SEC24D: variants seen among roughly 807,000 people sequenced by gnomAD.
The protein encoded by SEC24D is SEC24 homolog D, COPII component, also known as protein transport protein Sec24D.
SEC24D carries 69 observed loss-of-function variants against 116.9 expected under a neutral mutation model. The ratio of observed to expected loss-of-function variants is 0.59; its 90% CI spans 0.49 to 0.72. The LOEUF (loss-of-function observed/expected upper bound fraction) is 0.72, where lower values mean the gene tolerates loss of function less well. Among genes scored for constraint, SEC24D ranks in the 30% least tolerant of loss-of-function variants. The pLI is 0.00. For synonymous variants in SEC24D, 405 were observed against 442.8 expected (o/e 0.91, Z 1.07); for missense variants, 1,131 against 1,264.1 (o/e 0.89, Z 1.60).
rs1416290078 is a variant in SEC24D, at chr4:118,732,974, T to G, written c.2497-62A>C. ...TTTACTGAGAACAATTCCCTGAGCT[T>G]CATCTGTAAGACTGAAACATTATTT... On this transcript the variant is annotated intron_variant, in intron 19 of 22. Coordinates refer to ENST00000280551, the MANE Select transcript of SEC24D (RefSeq NM_014822.4). The G allele has an allele frequency of 3.2e-5, 44 of 1,384,212 alleles. No homozygotes were observed. The East Asian group carries it at 7.6e-4, about 24-fold the overall frequency. The allele number at this position is 1,384,212 out of a possible 1,614,324, so 85.7% of individuals were successfully genotyped here. A position where few individuals can be genotyped will look rare whatever the true frequency, so the allele number is the denominator to read the frequency against.
chr4:118,785,443 T>C lies in SEC24D; in HGVS notation c.1041+12240A>G, dbSNP rs374779069. ...TGTTAGTCAAATCTACATATCAAAA[T>C]TGCAAACTGGGATTCATGGTATGAG... On this transcript the variant is annotated intron_variant, in intron 8 of 22. Coordinates refer to ENST00000280551, the MANE Select transcript of SEC24D (RefSeq NM_014822.4). Among the ~76,000 whole-genome samples, 14 of 152,236 alleles carry C rather than the reference T, an allele frequency of 9.2e-5. No homozygotes were observed. In the East Asian group the frequency reaches 2.3e-3, roughly 25 times the overall value.
chr4:118,752,325 A>G (rs1024287444), intron 12 of SEC24D, among the ~76,000 whole-genome samples: 1 of 152,210 alleles, frequency 6.6e-6, no homozygotes, highest in African/African-American at 2.4e-5. Flanking sequence ...ATTCACTGCA[A>G]TACTGATCTC....
At chr4:118,749,432 T>C (rs1204001956) in intron 13 of SEC24D, among the ~76,000 whole-genome samples, 4 of 152,238 alleles carry the variant, frequency 2.6e-5, no homozygotes, top group Non-Finnish European at 5.9e-5. Flanking sequence ...ATCTAGCTGA[T>C]AGAAAATAAA....
rs1176351979 is a variant in SEC24D at position 118,740,664 on chromosome 4, T to C, written c.2237A>G (p.Gln746Arg). 2 of 1,613,402 alleles carry C rather than the reference T, an allele frequency of 1.2e-6. No homozygotes were observed. Among genetic ancestry groups the C allele is most frequent in the Admixed American group, 1.7e-5 (1 of 59,960 alleles). The change falls in exon 17 of 23, where the codon CAG becomes CGG. Residue 746 changes from glutamine to arginine, a missense_variant and splice_region_variant. Physicochemically the swap from Gln to Arg is conservative, Grantham distance 43 (BLOSUM62 1). Coordinates refer to ENST00000280551, the MANE Select transcript of SEC24D (RefSeq NM_014822.4). Reference protein sequence around the residue: ...KLSEDSGALIQCAVLYTTISG... With the variant: ...KLSEDSGALIRCAVLYTTISG... ...AGGTGGGAATACACTTTCAATCACC[T>C]GGATTAAGGCTCCACTGTCTTCACT...
chr4:118,738,420 A>T, intron 18 of SEC24D, 41 bp from the exon 19 acceptor site: 1 of 1,295,594 alleles, frequency 7.7e-7, no homozygotes, highest in Non-Finnish European at 1.1e-6. Context: ...GTTTTAGCTC[A>T]GACACTGATC....
At position 118,723,669 on chromosome 4, in the gene SEC24D, AAC is replaced by A; in HGVS notation, c.2959-16_2959-15del. ...TACAATTGTGAGCTAGGAAAAAAAA[AAC>A]AAAACAGTAACAGCCCCTGGTTATA... On this transcript the variant is annotated splice_polypyrimidine_tract_variant and intron_variant, in intron 22 of 22. Coordinates refer to ENST00000280551, the MANE Select transcript of SEC24D (RefSeq NM_014822.4). 6.3e-7 allele frequency: 1 copy of A among 1,593,716 alleles called. No individual in the cohort carries two copies. Among genetic ancestry groups the A allele is most frequent in the Non-Finnish European group, 8.5e-7 (1 of 1,174,368 alleles).
intron 1 of SEC24D, among the ~76,000 whole-genome samples, chr4:118,834,902 T>A (rs1731026563): frequency 6.6e-6 from 1 of 152,216 alleles, no homozygotes; most frequent in Non-Finnish European, 1.5e-5. Context: ...AAATTAAAAA[T>A]TTGAAGCCTA....
intron 1 of SEC24D, among the ~76,000 whole-genome samples, chr4:118,835,076 CCCCTTTTTCCTCCT>C (rs1359478895): frequency 2.6e-5 from 4 of 152,182 alleles, no homozygotes; most frequent in Non-Finnish European, 1.5e-5. Flanking sequence ...TTTCTGACAA[CCCCTTTTTCCTCCT>C]CCCACTTAGC....
rs1726633804 is a variant in SEC24D at position 118,748,128 on chromosome 4, T to TG, written c.1708-3069dup. On this transcript the variant is annotated intron_variant, in intron 13 of 22. Coordinates refer to ENST00000280551, the MANE Select transcript of SEC24D (RefSeq NM_014822.4). ...AAAATACAAAAAATTAGCTGGGGCG[T>TG]GGTGGCACACATCTATAGTCCCAGC... Among the ~76,000 whole-genome samples the TG allele has an allele frequency of 7.2e-5, 11 of 152,088 alleles. No individual in the cohort carries two copies. The South Asian group carries it at 2.3e-3, about 32-fold the overall frequency.
chr4:118,793,651 TC>T (rs1423981568), intron 8 of SEC24D, among the ~76,000 whole-genome samples: 1 of 152,230 alleles, frequency 6.6e-6, no homozygotes, highest in Non-Finnish European at 1.5e-5. Flanking sequence ...AGGAACTTCT[TC>T]CTGGTGTTGC....
intron 8 of SEC24D, among the ~76,000 whole-genome samples, chr4:118,788,067 C>A (rs928062926): frequency 6.6e-6 from 1 of 152,190 alleles, no homozygotes; most frequent in Non-Finnish European, 1.5e-5. Context: ...GATTCTCTGA[C>A]CTCAGCCTCC....
chr4:118,782,187 G>A (rs929849778), intron 8 of SEC24D, among the ~76,000 whole-genome samples: 1 of 152,200 alleles, frequency 6.6e-6, no homozygotes, highest in African/African-American at 2.4e-5. Context: ...AGAATTTTCA[G>A]CTTTTCTGCT....
At chr4:118,803,365 C>T (rs1423345166) in intron 7 of SEC24D, among the ~76,000 whole-genome samples, 4 of 152,170 alleles carry the variant, frequency 2.6e-5, no homozygotes, top group African/African-American at 9.7e-5. Context: ...TGCTCTCTCC[C>T]ACTACCGTAC....
chr4:118,747,907 G>A (rs1263615169), intron 13 of SEC24D, among the ~76,000 whole-genome samples: 1 of 152,140 alleles, frequency 6.6e-6, no homozygotes, highest in Non-Finnish European at 1.5e-5. Context: ...ATATTGTTGG[G>A]AGAATTCCAT....
chr4:118,804,345 A>G (rs1246285130), intron 7 of SEC24D, among the ~76,000 whole-genome samples: 1 of 152,210 alleles, frequency 6.6e-6, no homozygotes, highest in African/African-American at 2.4e-5. Context: ...CAGAGAAAAC[A>G]GTACAATGTG....
At chr4:118,819,429 C>G (rs912349080) in intron 3 of SEC24D, among the ~76,000 whole-genome samples, 1 of 150,238 alleles carries the variant, frequency 6.7e-6, no homozygotes, top group African/African-American at 2.4e-5. Flanking sequence ...TACTTGGGAG[C>G]CTGAGGCAGG....
chr4:118,783,480 T>C (rs1728522143), intron 8 of SEC24D, among the ~76,000 whole-genome samples: 2 of 152,212 alleles, frequency 1.3e-5, no homozygotes, highest in South Asian at 2.1e-4. Context: ...TTCACTGACA[T>C]ATCTCAAGTG....
intron 6 of SEC24D, among the ~76,000 whole-genome samples, chr4:118,808,414 A>C (rs114741245): frequency 4.5e-4 from 69 of 152,324 alleles, no homozygotes; most frequent in African/African-American, 1.5e-3. Flanking sequence ...ATTTCCAAAA[A>C]GTTTATTTTT....
chr4:118,832,003 G>C (rs1730880414), intron 2 of SEC24D, among the ~76,000 whole-genome samples: 1 of 152,110 alleles, frequency 6.6e-6, no homozygotes, highest in South Asian at 2.1e-4. Flanking sequence ...AGGAGTTCGA[G>C]ACCAACCTGG....
Sources: gnomAD v4.1 joint callset for allele counts (sites outside exome capture counted in the v4.1 genomes callset) on GRCh38, gnomAD v4.1.1 for gene constraint, MANE v1.5 for transcripts, NCBI Gene and HGNC (gene_info 2026-07-23, HGNC 2026-07-21) for gene names.